TLK1: variants seen among roughly 807,000 people sequenced by gnomAD.
The protein encoded by TLK1 is tousled like kinase 1, also known as serine/threonine-protein kinase tousled-like 1.
In TLK1, 24 loss-of-function variants were observed where a neutral mutation model predicts 105.3. The observed-to-expected ratio is 0.23, with a 90% CI of 0.17 to 0.32. The LOEUF (loss-of-function observed/expected upper bound fraction) is 0.32. TLK1 is among the 10% of genes least tolerant of loss of function. TLK1 has a pLI of 1.00. For synonymous variants in TLK1, 321 were observed against 310.4 expected (o/e 1.03, Z -0.36); for missense variants, 558 against 910.5 (o/e 0.61, Z 4.98).
At chr2:171,040,844 T>C (rs1686641755) in intron 11 of TLK1, among the ~76,000 whole-genome samples, 1 of 152,264 alleles carries the variant, frequency 6.6e-6, no homozygotes, top group Admixed American at 6.5e-5. Flanking sequence ...CCCAAAGTGC[T>C]GGGATTACAG....
At chr2:171,004,047 T>C (rs1289621618) in intron 18 of TLK1, among the ~76,000 whole-genome samples, 2 of 152,118 alleles carry the variant, frequency 1.3e-5, no homozygotes, top group African/African-American at 4.8e-5. Flanking sequence ...CTCTGCCTCC[T>C]GGATTCAAAC....
At chr2:171,003,800 G>C (rs1390309514) in intron 18 of TLK1, among the ~76,000 whole-genome samples, 2 of 152,134 alleles carry the variant, frequency 1.3e-5, no homozygotes, top group African/African-American at 4.8e-5. Flanking sequence ...TCTCTCAACT[G>C]CAAATAGCAC....
intron 1 of TLK1, among the ~76,000 whole-genome samples, chr2:171,122,550 C>G (rs192833463): frequency 6.6e-6 from 1 of 152,176 alleles, no homozygotes; most frequent in Admixed American, 6.5e-5. Context: ...AGATCTGTAA[C>G]TTTTTCTGTA....
chr2:171,000,171 T>C (rs936454252), intron 18 of TLK1, among the ~76,000 whole-genome samples: 7 of 152,002 alleles, frequency 4.6e-5, no homozygotes, highest in Admixed American at 3.3e-4. Context: ...AGGTCGGCAG[T>C]TTGAGACCAG....
rs372744982 is a variant in TLK1, at chr2:171,087,665, A to C, written c.259-4813T>G. Among the ~76,000 whole-genome samples the C allele has an allele frequency of 4.1e-3, 625 of 152,354 alleles. 3 individuals are homozygous for C. Among genetic ancestry groups the C allele is most frequent in the African/African-American group, 0.014 (579 of 41,588 alleles). ...TACAAAGAAAACCACACCTACGCAC[A>C]TCATAGTCAAACTGCTGAAAAACCA... On this transcript the variant is annotated intron_variant, in intron 2 of 20. Coordinates refer to ENST00000431350, the MANE Select transcript of TLK1 (RefSeq NM_012290.5).
chr2:171,222,253 C>T (rs969305153), intron 1 of TLK1, among the ~76,000 whole-genome samples: 1 of 152,134 alleles, frequency 6.6e-6, no homozygotes, highest in African/African-American at 2.4e-5. Context: ...TAGAAAGAAA[C>T]CTTTGTGGTG....
At chr2:171,150,960 A>G (rs545095676) in intron 1 of TLK1, among the ~76,000 whole-genome samples, 5 of 152,190 alleles carry the variant, frequency 3.3e-5, no homozygotes, top group Non-Finnish European at 5.9e-5. Context: ...AACTGTTAAG[A>G]GCATGTACTC....
At chr2:171,211,588 C>G (rs193071995) in intron 1 of TLK1, among the ~76,000 whole-genome samples, 1 of 151,934 alleles carries the variant, frequency 6.6e-6, no homozygotes, top group South Asian at 2.1e-4. Flanking sequence ...CTTGCGCTGT[C>G]GCCCAGGCTG....
chr2:171,024,429 A>T (rs997124150), intron 12 of TLK1, among the ~76,000 whole-genome samples: 1 of 152,166 alleles, frequency 6.6e-6, no homozygotes, highest in African/African-American at 2.4e-5. Flanking sequence ...AATGTGTATG[A>T]AAAATAATTA....
At chr2:171,143,868 A>C (rs957053236) in intron 1 of TLK1, among the ~76,000 whole-genome samples, 1 of 152,196 alleles carries the variant, frequency 6.6e-6, no homozygotes, top group Admixed American at 6.5e-5. Context: ...ATGTGAATGG[A>C]TTAAATAATA....
At chr2:171,143,474 C>T (rs539633845) in intron 1 of TLK1, among the ~76,000 whole-genome samples, 18 of 112,462 alleles carry the variant, frequency 1.6e-4, no homozygotes, top group South Asian at 1.4e-3. Flanking sequence ...CCACTGCACT[C>T]CAGACTGGGC....
At chr2:171,107,529 T>C (rs1452567665) in intron 2 of TLK1, among the ~76,000 whole-genome samples, 1 of 152,168 alleles carries the variant, frequency 6.6e-6, no homozygotes, top group East Asian at 1.9e-4. Flanking sequence ...CAAGCATAAC[T>C]AGCACCTAGA....
intron 3 of TLK1, among the ~76,000 whole-genome samples, chr2:171,072,559 G>A (rs1161127720): frequency 2.0e-5 from 3 of 151,376 alleles, no homozygotes; most frequent in Non-Finnish European, 4.4e-5. Context: ...AGAGTTTGAG[G>A]CCAGCCTGGC....
At chr2:170,999,656 C>T (rs150400269) in intron 18 of TLK1, among the ~76,000 whole-genome samples, 11 of 152,232 alleles carry the variant, frequency 7.2e-5, no homozygotes, top group Admixed American at 2.0e-4. Flanking sequence ...CTAAAATATA[C>T]GAGTATTTAT....
rs746132379 is a variant in TLK1, at chr2:170,997,703, T to C, written c.2016+9A>G. 6.5e-7 allele frequency: 1 copy of C among 1,547,858 alleles called. No homozygotes were observed. On this transcript the variant is annotated intron_variant, in intron 19 of 20. Coordinates refer to ENST00000431350, the MANE Select transcript of TLK1 (RefSeq NM_012290.5). ...CTGTAGAGCTGAAGGCTGGTAGAAT[T>C]CAATTTACCTTTCTACCATAAAGAC...
intron 11 of TLK1, among the ~76,000 whole-genome samples, chr2:171,034,617 A>G (rs1217206180): frequency 6.6e-6 from 1 of 152,202 alleles, no homozygotes; most frequent in East Asian, 1.9e-4. Flanking sequence ...TAACGTGCAC[A>G]GTGTTCCTCT....
At chr2:171,094,576 C>T (rs1689373871) in intron 2 of TLK1, among the ~76,000 whole-genome samples, 1 of 152,050 alleles carries the variant, frequency 6.6e-6, no homozygotes, top group Admixed American at 6.6e-5. Context: ...CTTAAAAGAT[C>T]GACACTGTAA....
At position 171,066,861 on chromosome 2, in the gene TLK1, T is replaced by C. The variant is rs1688022294; in HGVS notation, c.331-5705A>G. 2.6e-6 allele frequency: 4 copies of C among 1,552,286 alleles called. No individual in the cohort carries two copies. In the East Asian group the frequency reaches 7.3e-5, roughly 28 times the overall value. On this transcript the variant is annotated intron_variant, in intron 3 of 20. Transcript: ENST00000431350. ...AATTACCTTGCCAGTAGTTTTCAAATCATACAAGAATAAAACAGCCATTTA... is the reference window on the plus strand; with the variant it reads ...AATTACCTTGCCAGTAGTTTTCAAACCATACAAGAATAAAACAGCCATTTA...
intron 1 of TLK1, among the ~76,000 whole-genome samples, chr2:171,158,010 T>C (rs1412159056): frequency 1.3e-5 from 2 of 152,226 alleles, no homozygotes; most frequent in Non-Finnish European, 2.9e-5. Flanking sequence ...ATTTATATAA[T>C]GTACTAACAT....
Sources: gnomAD v4.1 joint callset for allele counts (sites outside exome capture counted in the v4.1 genomes callset) on GRCh38, gnomAD v4.1.1 for gene constraint, MANE v1.5 for transcripts, NCBI Gene and HGNC (gene_info 2026-07-23, HGNC 2026-07-21) for gene names.